SON: variants seen among roughly 807,000 people sequenced by gnomAD.
SON encodes protein SON.
A neutral mutation model predicts 173.3 loss-of-function variants in SON; 4 were observed. The observed-to-expected ratio is 0.02, with a 90% confidence interval of 0.01 to 0.05. The LOEUF is 0.05. Ranked by LOEUF, SON falls within the 10% of genes least tolerant of loss-of-function variation. The probability of loss-of-function intolerance (pLI) is 1.00; values close to 1 mark genes in which losing one functional copy is unlikely to be tolerated. For synonymous variants in SON, 1,190 were observed against 1,105.9 expected (o/e 1.08, Z -1.51); for missense variants, 2,626 against 3,055.3 (o/e 0.86, Z 3.31).
rs901319275 is a variant in SON at position 33,575,508 on chromosome 21, T to C, written c.7034-88T>C. 1.3e-5 allele frequency: 10 copies of C among 777,768 alleles called. No homozygotes were observed. In the Admixed American group the frequency reaches 1.7e-4, roughly 13 times the overall value. 48.2% of individuals were successfully genotyped at this position (777,768 alleles called of 1,614,324 possible). On this transcript the variant is annotated intron_variant, in intron 9 of 11. Coordinates refer to ENST00000356577, the MANE Select transcript of SON (RefSeq NM_138927.4). Reference sequence around the variant, plus strand: ...AATCTGCTGATTTTATTTGAAGGCATACATTTTGAGGTTCAGACTCCTACA... The same window carrying C: ...AATCTGCTGATTTTATTTGAAGGCACACATTTTGAGGTTCAGACTCCTACA...
rs761293650 is a variant in SON, at chr21:33,559,216, T to C, written c.6322-14T>C. On this transcript the variant is annotated splice_polypyrimidine_tract_variant and intron_variant, in intron 4 of 11. Coordinates refer to ENST00000356577, the MANE Select transcript of SON (RefSeq NM_138927.4). This position sits in a 1 kb window ranked among gnomAD's most constrained non-coding sequence, Gnocchi z 4.1. ...AGCGTAAGATTTATCTTTTGTTTGT[T>C]TTTACTTTTAAAGAAATGTAAACAG... 4 of 1,524,986 alleles carry C rather than the reference T, an allele frequency of 2.6e-6. No individual in the cohort carries two copies. The allele number at this position is 1,524,986 out of a possible 1,614,324, so 94.5% of individuals were successfully genotyped here.
intron 7 of SON, among the ~76,000 whole-genome samples, chr21:33,568,258 C>T (rs1263728887): frequency 6.6e-6 from 1 of 152,142 alleles, no homozygotes; most frequent in African/African-American, 2.4e-5. Flanking sequence ...TTTGAAAGGC[C>T]GAGGCGGGCG....
At position 33,567,242 on chromosome 21, in the gene SON, G is replaced by A; in HGVS notation, c.6743G>A (p.Ser2248Asn). Residue 2248 changes from serine to asparagine, a missense_variant, in exon 7 of 12, where the codon AGC becomes AAC. By Grantham distance (46) the Ser-to-Asn change is conservative. This residue lies in a region of SON where 75 missense variants were observed against 201.6 expected (regional missense o/e 0.37). Coordinates refer to ENST00000356577, the MANE Select transcript of SON (RefSeq NM_138927.4). ...AATGCATTTGATCTTGAAGCCATGA[G>A]CATGTTAAATAGAGCTCAGGAAAGG... ...SENAFDLEAM[S>N]MLNRAQERID... 6.2e-7 allele frequency: 1 copy of A among 1,606,820 alleles called. No homozygotes were observed.
Position 33,551,868 on chromosome 21 carries a change from C to T in SON, c.2637C>T (p.Gly879=), listed in dbSNP as rs780240707. Residue 879 remains glycine, a synonymous_variant, in exon 3 of 12, where the codon GGC becomes GGT. Transcript: ENST00000356577. ...GTMDSQMLAS[G]TMDAQMLASG... ...TGGACTCTCAAATGTTAGCTTCTGG[C>T]ACCATGGATGCTCAGATGTTAGCGT... The T allele has an allele frequency of 6.2e-6, 10 of 1,614,004 alleles. No individual in the cohort carries two copies. The Admixed American group carries it at 1.7e-4, about 27-fold the overall frequency.
intron 3 of SON, among the ~76,000 whole-genome samples, chr21:33,556,266 G>T (rs1039029524): frequency 4.6e-4 from 70 of 152,266 alleles, no homozygotes; most frequent in African/African-American, 1.5e-3. Context: ...GGAGACATGG[G>T]TAAAATGCAT....
chr21:33,559,803 T>G lies in SON; in HGVS notation c.6657+28T>G, dbSNP rs766514569. 1 of 1,608,454 alleles carries G rather than the reference T, an allele frequency of 6.2e-7. No individual in the cohort carries two copies. ...AAGTAGGAGGAATATTATGTATTTT[T>G]CCTTTTTTATACCTGAATCTGCCAT... On this transcript the variant is annotated intron_variant, in intron 6 of 11. Coordinates refer to ENST00000356577, the MANE Select transcript of SON (RefSeq NM_138927.4). The surrounding 1 kb of genome is among the most constrained non-coding windows in gnomAD (Gnocchi z 4.1).
At chr21:33,568,210 C>T (rs911956641) in intron 7 of SON, among the ~76,000 whole-genome samples, 8 of 152,146 alleles carry the variant, frequency 5.3e-5, no homozygotes, top group Non-Finnish European at 4.4e-5. Context: ...AGTTGTTTTA[C>T]GGCCGGGTGC....
intron 6 of SON, among the ~76,000 whole-genome samples, chr21:33,563,444 A>G (rs971885122): frequency 3.5e-4 from 34 of 96,182 alleles, no homozygotes; most frequent in Non-Finnish European, 8.2e-4. Context: ...ATCATGTTTT[A>G]TATACAGGCC....
intron 3 of SON, among the ~76,000 whole-genome samples, chr21:33,556,027 G>A (rs1569060137): frequency 6.6e-6 from 1 of 152,142 alleles, no homozygotes; most frequent in Non-Finnish European, 1.5e-5. Context: ...TTTTTAGTGT[G>A]CAGAGGTGAT....
In SON at chr21:33,553,178, G is replaced by A; in HGVS notation, c.3947G>A (p.Arg1316Lys). 6.2e-7 allele frequency: 1 copy of A among 1,614,154 alleles called. No homozygotes were observed. Among genetic ancestry groups the A allele is most frequent in the Non-Finnish European group, 8.5e-7 (1 of 1,180,042 alleles). The change falls in exon 3 of 12, where the codon AGA (arginine) becomes AAA (lysine). Residue 1316 changes from arginine to lysine, a missense_variant. This residue lies in a region of SON where 1,006 missense variants were observed against 895.6 expected (regional missense o/e 1.12). Coordinates refer to ENST00000356577, the MANE Select transcript of SON (RefSeq NM_138927.4). ...SETAETFDSMRASGHVASEVS... is the reference protein window; with the variant it reads ...SETAETFDSMKASGHVASEVS... ...ACAGCAGAAACATTTGATTCCATGA[G>A]AGCCTCAGGACATGTTGCCTCAGAA... is the stretch of plus-strand genomic sequence containing the variant.
Position 33,575,873 on chromosome 21 carries a change from C to T in SON, c.7201C>T (p.Arg2401Cys), listed in dbSNP as rs1433157379. ...GGTCCATGATAGTGGCCCTGATCAT[C>T]GCAAACATTTTCTCTTTAGGGTAAA... Reference protein sequence around the residue: ...LLVHDSGPDHRKHFLFRVLRN... With the variant: ...LLVHDSGPDHCKHFLFRVLRN... Residue 2401 changes from arginine (R) to cysteine (C), a missense_variant, in exon 11 of 12, where the codon CGC (arginine) becomes TGC (cysteine). Arg to Cys is a radical substitution (Grantham distance 180). Around this residue, in one of 13 missense-constraint regions of SON, gnomAD observed 8 missense variants for 71.2 expected, o/e 0.11. Coordinates refer to ENST00000356577, the MANE Select transcript of SON (RefSeq NM_138927.4). 1.9e-6 allele frequency: 3 copies of T among 1,580,784 alleles called. No individual in the cohort carries two copies. The highest frequency in any genetic ancestry group is 1.7e-5 in the Admixed American group (1 of 59,266).
chr21:33,557,896 C>G, intron 4 of SON: 1 of 248,936 alleles, frequency 4.0e-6, no homozygotes, highest in Non-Finnish European at 7.7e-6. Context: ...ATTTTAAACA[C>G]ACTTATTTTT....
At chr21:33,545,915 T>C (rs745893103) in intron 1 of SON, among the ~76,000 whole-genome samples, 4 of 152,246 alleles carry the variant, frequency 2.6e-5, no homozygotes. Context: ...GAAAGAAATA[T>C]GTGGGTATCC....
At chr21:33,563,304 T>G (rs1244269505) in intron 6 of SON, among the ~76,000 whole-genome samples, 2 of 152,170 alleles carry the variant, frequency 1.3e-5, no homozygotes, top group Non-Finnish European at 2.9e-5. Context: ...ATAAAAAGAT[T>G]CGTAATTCAC....
Position 33,550,172 on chromosome 21 carries a change from C to A in SON, c.941C>A (p.Thr314Asn). The change falls in exon 3 of 12, where the codon ACT becomes AAT. Residue 314 changes from threonine to asparagine, a missense_variant. By Grantham distance (65) the Thr-to-Asn change is moderately conservative. Transcript: ENST00000356577. ...CTTGTGGTATCATCAGAGACACCTA[C>A]TGAGGTGTACCCTGAGCCAAGCACA... is the stretch of plus-strand genomic sequence containing the variant. ...ETLVVSSETP[T>N]EVYPEPSTST... The A allele has an allele frequency of 6.2e-7, 1 of 1,614,138 alleles. No individual in the cohort carries two copies. The highest frequency in any genetic ancestry group is 2.2e-5 in the East Asian group (1 of 44,882).
rs2085752390 is a variant in SON, at chr21:33,550,678, C to A, written c.1447C>A (p.Pro483Thr). 8.1e-6 allele frequency: 13 copies of A among 1,613,784 alleles called. No homozygotes were observed. Among genetic ancestry groups the A allele is most frequent in the Non-Finnish European group, 1.1e-5 (13 of 1,179,964 alleles). Residue 483 changes from proline (P) to threonine (T), a missense_variant, in exon 3 of 12, where the codon CCT becomes ACT. Physicochemically the swap from Pro to Thr is conservative, Grantham distance 38. Coordinates refer to ENST00000356577, the MANE Select transcript of SON (RefSeq NM_138927.4). The part of the protein sequence containing the change: ...PVMAQELPGL[P>T]LVTAAVELPE... Reference sequence around the variant, plus strand: ...GATGGCACAGGAGTTGCCAGGGCTGCCTTTGGTGACAGCAGCAGTAGAGTT... The same window carrying A: ...GATGGCACAGGAGTTGCCAGGGCTGACTTTGGTGACAGCAGCAGTAGAGTT...
chr21:33,546,710 G>T (rs2145804273), intron 2 of SON: 1 of 178,874 alleles, frequency 5.6e-6, no homozygotes, highest in East Asian at 1.8e-4. Context: ...GAACCCAGGA[G>T]GCGAATGTTG....
Position 33,554,732 on chromosome 21 carries a change from A to T in SON, c.5501A>T (p.His1834Leu). The change falls in exon 3 of 12, where the codon CAC (histidine) becomes CTC (leucine). Residue 1834 changes from histidine (H) to leucine (L), a missense_variant. By Grantham distance (99) the His-to-Leu change is moderately conservative. Coordinates refer to ENST00000356577, the MANE Select transcript of SON (RefSeq NM_138927.4). ...AGTAAGCGTTCCAAATCTTCTGAAC[A>T]CAAATCACGCAAGCGTACCAGTGAA... is the stretch of plus-strand genomic sequence containing the variant. Reference protein sequence around the residue: ...SRSKRSKSSEHKSRKRTSESR... With the variant: ...SRSKRSKSSELKSRKRTSESR... The T allele has an allele frequency of 1.2e-6, 2 of 1,613,944 alleles. No homozygotes were observed. Among genetic ancestry groups the T allele is most frequent in the East Asian group, 2.2e-5 (1 of 44,892 alleles).
At chr21:33,557,555 C>A in intron 4 of SON, 1 of 1,550,546 alleles carries the variant, frequency 6.4e-7, no homozygotes, top group Non-Finnish European at 8.7e-7. Context: ...GTTTTAGAAG[C>A]CAAACTGACT....
Sources: allele counts gnomAD v4.1 joint callset (sites outside exome capture counted in the v4.1 genomes callset), GRCh38; gene constraint gnomAD v4.1.1; regional missense constraint gnomAD v4.1.1; non-coding constraint Gnocchi (gnomAD v3.1); transcripts MANE v1.5; gene names NCBI Gene and HGNC (gene_info 2026-07-23, HGNC 2026-07-21).